The following GMPR variants were observed in gnomAD, a reference collection of about 807,000 sequenced individuals.
GMPR encodes the protein guanosine monophosphate reductase.
A neutral mutation model predicts 38.4 loss-of-function variants in GMPR; 31 were observed. The ratio of observed to expected loss-of-function variants is 0.81; its 90% confidence interval spans 0.61 to 1.09. GMPR has a LOEUF of 1.09. GMPR is among the 50% of genes least tolerant of loss of function. The pLI, the probability that GMPR is intolerant of heterozygous loss-of-function variation, is 0.00. For synonymous variants in GMPR, 162 were observed against 173.3 expected (o/e 0.93, Z 0.51); for missense variants, 468 against 453.7 (o/e 1.03, Z -0.29).
chr6:16,293,737 G>A (rs558619962), intron 8 of GMPR, among the ~76,000 whole-genome samples: 7 of 152,202 alleles, frequency 4.6e-5, no homozygotes, highest in Non-Finnish European at 8.8e-5. Context: ...GGCAGAGGTT[G>A]CAGTGAGCTG....
intron 4 of GMPR, among the ~76,000 whole-genome samples, chr6:16,270,150 G>A (rs1297367267): frequency 2.6e-5 from 4 of 152,246 alleles, no homozygotes; most frequent in African/African-American, 4.8e-5. Flanking sequence ...AGTACTTGAA[G>A]TCTTGGCTTG....
chr6:16,239,014 G>A (rs1326811163), intron 1 of GMPR, among the ~76,000 whole-genome samples: 2 of 152,164 alleles, frequency 1.3e-5, no homozygotes, highest in Non-Finnish European at 2.9e-5. Flanking sequence ...GGTGGCCTAG[G>A]GGAAGTTCAC....
chr6:16,276,469 C>T (rs1759474058), intron 5 of GMPR, among the ~76,000 whole-genome samples: 1 of 152,276 alleles, frequency 6.6e-6, no homozygotes. Flanking sequence ...CCACACCCGG[C>T]CCTCTCAAAG....
intron 4 of GMPR, among the ~76,000 whole-genome samples, chr6:16,265,820 C>T (rs759480855): frequency 7.9e-5 from 12 of 152,248 alleles, no homozygotes; most frequent in East Asian, 3.8e-4. Flanking sequence ...AACCCTTCCA[C>T]GCCATGGAGG....
At chr6:16,288,316 G>C (rs1042159495) in intron 7 of GMPR, among the ~76,000 whole-genome samples, 1 of 152,258 alleles carries the variant, frequency 6.6e-6, no homozygotes, top group Non-Finnish European at 1.5e-5. Context: ...GGAGTTCCGG[G>C]TGGGTGTGGG....
In GMPR at chr6:16,295,465, T is replaced by C. The variant is rs1759920980; in HGVS notation, c.*279T>C. 2.1e-5 allele frequency: 7 copies of C among 332,970 alleles called. No homozygotes were observed. In the Admixed American group the frequency reaches 2.9e-4, roughly 14 times the overall value. The allele number at this position is 332,970 out of a possible 1,614,324, so 20.6% of individuals were successfully genotyped here. A position where few individuals can be genotyped will look rare whatever the true frequency, so the allele number is the denominator to read the frequency against. On this transcript the variant is annotated 3_prime_UTR_variant, in exon 9 of 9. Coordinates refer to ENST00000259727, the MANE Select transcript of GMPR (RefSeq NM_006877.4). ...ACACTTGCACCTTTCTCTTTTTCTC[T>C]TTCTCTCTCCCTTTCTTTGTTTTTC... is the stretch of plus-strand genomic sequence containing the variant.
chr6:16,238,985 C>G (rs1443773102), intron 1 of GMPR, among the ~76,000 whole-genome samples: 2 of 152,142 alleles, frequency 1.3e-5, no homozygotes, highest in African/African-American at 4.8e-5. Flanking sequence ...ATGAAATTCT[C>G]TACACGTCGG....
chr6:16,274,914 G>T (rs553161049), intron 5 of GMPR, among the ~76,000 whole-genome samples: 2 of 152,156 alleles, frequency 1.3e-5, no homozygotes, highest in East Asian at 1.9e-4. Flanking sequence ...AAATAAGCTT[G>T]CAGTGATGAG....
chr6:16,272,633 T>G (rs779192097), intron 4 of GMPR, among the ~76,000 whole-genome samples: 1 of 152,252 alleles, frequency 6.6e-6, no homozygotes, highest in Non-Finnish European at 1.5e-5. Context: ...TCAGCCACTT[T>G]TATTTCTTTC....
chr6:16,252,453 G>A (rs1181318302), intron 3 of GMPR, among the ~76,000 whole-genome samples: 2 of 152,082 alleles, frequency 1.3e-5, no homozygotes, highest in African/African-American at 4.8e-5. Context: ...TAGAGACAAG[G>A]TTTCACCATG....
chr6:16,276,460 C>T (rs903711018), intron 5 of GMPR, among the ~76,000 whole-genome samples: 1 of 152,172 alleles, frequency 6.6e-6, no homozygotes, highest in African/African-American at 2.4e-5. Flanking sequence ...TGTGAGCCAC[C>T]ACACCCGGCC....
intron 2 of GMPR, among the ~76,000 whole-genome samples, chr6:16,248,718 T>A (rs901225701): frequency 1.3e-5 from 2 of 152,138 alleles, no homozygotes; most frequent in African/African-American, 4.8e-5. Context: ...GGAACTGGTA[T>A]TTTTTTCTCC....
At position 16,278,816 on chromosome 6, in the gene GMPR, G is replaced by C. The variant is rs1759524407; in HGVS notation, c.580G>C (p.Val194Leu). 6.2e-7 allele frequency: 1 copy of C among 1,613,942 alleles called. No individual in the cohort carries two copies. The highest frequency in any genetic ancestry group is 1.1e-5 in the South Asian group (1 of 91,086). The change falls in exon 6 of 9, where the codon GTG (valine) becomes CTG (leucine). Residue 194 changes from valine to leucine, a missense_variant. Transcript: ENST00000259727. Reference protein sequence around the residue: ...SVCTTRTKTGVGYPQLSAVIE... With the variant: ...SVCTTRTKTGLGYPQLSAVIE... ...GTGCACCACCCGCACCAAGACGGGA[G>C]TGGGGTACCCCCAGCTGAGTGCCGT...
intron 1 of GMPR, among the ~76,000 whole-genome samples, chr6:16,245,521 C>G (rs1435264785): frequency 6.6e-6 from 1 of 152,200 alleles, no homozygotes; most frequent in Non-Finnish European, 1.5e-5. Context: ...TAATGTAGGT[C>G]TAAGTTACTG....
Position 16,295,248 on chromosome 6 carries a change from C to A in GMPR, c.*62C>A. ...CGTCCAAACCTGCTTTTCCCATCTC[C>A]CCCCAAGTCTGTTCCGTCAGAGCTT... On this transcript the variant is annotated 3_prime_UTR_variant, in exon 9 of 9. Coordinates refer to ENST00000259727, the MANE Select transcript of GMPR (RefSeq NM_006877.4). The A allele has an allele frequency of 1.6e-6, 2 of 1,253,410 alleles. No individual in the cohort carries two copies. Among genetic ancestry groups the A allele is most frequent in the Non-Finnish European group, 2.2e-6 (2 of 929,662 alleles). 77.6% of individuals were successfully genotyped at this position (1,253,410 alleles called of 1,614,324 possible). A position where few individuals can be genotyped will look rare whatever the true frequency, so the allele number is the denominator to read the frequency against.
intron 5 of GMPR, among the ~76,000 whole-genome samples, chr6:16,275,854 T>G (rs1402304676): frequency 6.6e-6 from 1 of 152,118 alleles, no homozygotes; most frequent in Non-Finnish European, 1.5e-5. Context: ...GCCCAGGAGT[T>G]TGAGACCAGC....
At chr6:16,246,384 G>T (rs1444753654) in intron 1 of GMPR, among the ~76,000 whole-genome samples, 3 of 152,184 alleles carry the variant, frequency 2.0e-5, no homozygotes, top group Non-Finnish European at 2.9e-5. Flanking sequence ...AGCCGTGGAG[G>T]GTAAAAGGCG....
Position 16,250,144 on chromosome 6 carries a change from A to G in GMPR, c.208-140A>G, listed in dbSNP as rs146256605. The G allele has an allele frequency of 8.9e-4, 596 of 669,072 alleles. 10 individuals are homozygous for G. The African/African-American group carries it at 9.6e-3, about 11-fold the overall frequency. 41.4% of individuals were successfully genotyped at this position (669,072 alleles called of 1,614,324 possible). On this transcript the variant is annotated intron_variant, in intron 2 of 8. Coordinates refer to ENST00000259727, the MANE Select transcript of GMPR (RefSeq NM_006877.4). ...GTACCTTTGTTTGGTTTTGGCTGCT[A>G]GGAGCACATTCAAAGCAAATTAAGC...
intron 2 of GMPR, among the ~76,000 whole-genome samples, chr6:16,247,826 C>T (rs543935610): frequency 6.6e-6 from 1 of 152,248 alleles, no homozygotes; most frequent in East Asian, 1.9e-4. Context: ...GAAACTGACT[C>T]TAGAATCTAA....
Sources: gnomAD v4.1 joint callset for allele counts (sites outside exome capture counted in the v4.1 genomes callset) on GRCh38, gnomAD v4.1.1 for gene constraint, MANE v1.5 for transcripts, NCBI Gene and HGNC (gene_info 2026-07-23, HGNC 2026-07-21) for gene names.